The following BRSK2 variants were observed in gnomAD, a reference collection of about 807,000 sequenced individuals.
The protein encoded by BRSK2 is BR serine/threonine kinase 2.
BRSK2 carries 19 observed loss-of-function variants against 83.3 expected under a neutral mutation model. That is an observed-to-expected ratio of 0.23 (90% confidence interval 0.16 to 0.33). The LOEUF is 0.33. Among genes scored for constraint, BRSK2 ranks in the 10% least tolerant of loss-of-function variants. The pLI is 1.00. For synonymous variants in BRSK2, 519 were observed against 435.4 expected (o/e 1.19, Z -2.39); for missense variants, 798 against 1,042.3 (o/e 0.77, Z 3.23).
intron 13 of BRSK2, among the ~76,000 whole-genome samples, chr11:1,450,061 C>G (rs573805438): frequency 1.3e-5 from 2 of 152,270 alleles, no homozygotes; most frequent in Non-Finnish European, 2.9e-5. Flanking sequence ...CACTTCTTTT[C>G]TTTTGTGGCT....
At chr11:1,419,973 T>G (rs74632364) in intron 1 of BRSK2, among the ~76,000 whole-genome samples, 3,536 of 152,302 alleles carry the variant, frequency 0.023, 90 homozygotes, top group African/African-American at 0.068. Flanking sequence ...TGCTCCCGAT[T>G]CTGCTCCAGG....
At chr11:1,444,690 C>T (rs1242271758) in intron 8 of BRSK2, among the ~76,000 whole-genome samples, 2 of 151,552 alleles carry the variant, frequency 1.3e-5, no homozygotes, top group Admixed American at 6.6e-5. Context: ...CCTGCCCCTA[C>T]CTGGAGCACC....
chr11:1,413,313 AC>A (rs1383366407), intron 1 of BRSK2, among the ~76,000 whole-genome samples: 32 of 145,330 alleles, frequency 2.2e-4, no homozygotes, highest in African/African-American at 7.5e-4. Flanking sequence ...CCTCTGGCCC[AC>A]CCCTCCCACC....
chr11:1,459,196 CACT>C lies in BRSK2; in HGVS notation c.1946_1948del (p.Thr649del), dbSNP rs1413827713. ...TCTCTCCATTCTGTACTCCAGACAC[CACT>C]AACTGTATGGAAATGATGACGGGGC... On this transcript the variant is annotated inframe_deletion, in exon 19 of 20. Coordinates refer to ENST00000528841, the MANE Select transcript of BRSK2 (RefSeq NM_001256627.2). 4 of 1,613,698 alleles carry C rather than the reference CACT, an allele frequency of 2.5e-6. No homozygotes were observed. The highest frequency in any genetic ancestry group is 3.4e-6 in the Non-Finnish European group (4 of 1,179,806).
intron 1 of BRSK2, among the ~76,000 whole-genome samples, chr11:1,393,831 C>T (rs538300366): frequency 6.0e-4 from 92 of 152,206 alleles, no homozygotes; most frequent in South Asian, 1.2e-3. Context: ...GGACGGGCAG[C>T]GATGGGCTGT....
chr11:1,460,399 T>G, intron 19 of BRSK2, 101 bp from the exon 20 acceptor site: 12 of 960,408 alleles, frequency 1.2e-5, no homozygotes, highest in Non-Finnish European at 1.5e-5. Context: ...ATTTGTTTGT[T>G]TGTTCTCTTT....
chr11:1,394,093 C>T (rs1845905559), intron 1 of BRSK2, among the ~76,000 whole-genome samples: 1 of 123,412 alleles, frequency 8.1e-6, no homozygotes, highest in African/African-American at 3.3e-5. Context: ...AGATGGGTCC[C>T]TGGAGATGGG....
rs1398777506 is a variant in BRSK2 at position 1,457,157 on chromosome 11, C to A, written c.1939+470C>A. The A allele has an allele frequency of 1.3e-5, 13 of 1,024,380 alleles. No individual in the cohort carries two copies. The Admixed American group carries it at 1.7e-4, about 13-fold the overall frequency. 63.5% of individuals were successfully genotyped at this position (1,024,380 alleles called of 1,614,324 possible). ...TCCATGCCCACCCACAGGTCTCGGC[C>A]CTGGACAGGCCAAGCATGCCCCGGG... On this transcript the variant is annotated intron_variant, in intron 18 of 19. Transcript: ENST00000528841.
intron 1 of BRSK2, among the ~76,000 whole-genome samples, chr11:1,415,239 C>T (rs536974277): frequency 1.9e-3 from 291 of 151,946 alleles, no homozygotes; most frequent in Non-Finnish European, 2.8e-3. Flanking sequence ...GGACTACAGG[C>T]GCTCACCACC....
chr11:1,456,694 C>T lies in BRSK2; in HGVS notation c.1939+7C>T, dbSNP rs757956519. The T allele has an allele frequency of 2.6e-5, 41 of 1,588,132 alleles. No homozygotes were observed. The highest frequency in any genetic ancestry group is 6.7e-5 in the African/African-American group (5 of 74,628). On this transcript the variant is annotated splice_region_variant and intron_variant, in intron 18 of 19. Transcript: ENST00000528841. ...GCGGCCCAGCACTTGTCAGGTGAGG[C>T]GGGCTCAGCTCCGGCCAACCTGCGG...
intron 1 of BRSK2, chr11:1,411,503 A>G (rs1313801511): frequency 8.7e-6 from 13 of 1,496,818 alleles, no homozygotes; most frequent in Non-Finnish European, 1.2e-5. Flanking sequence ...GGTCTGGCCC[A>G]GCGGTGGGCA....
At position 1,440,847 on chromosome 11, in the gene BRSK2, G is replaced by A; in HGVS notation, c.332G>A (p.Gly111Glu). 1.9e-6 allele frequency: 3 copies of A among 1,604,360 alleles called. No homozygotes were observed. Among genetic ancestry groups the A allele is most frequent in the Non-Finnish European group, 2.6e-6 (3 of 1,175,474 alleles). Residue 111 changes from glycine to glutamate, a missense_variant, in exon 4 of 20, where the codon GGG becomes GAG. Physicochemically the swap from Gly to Glu is moderately conservative, Grantham distance 98. Around this residue, in one of 6 missense-constraint regions of BRSK2, gnomAD observed 109 missense variants for 259.2 expected, o/e 0.42. Coordinates refer to ENST00000528841, the MANE Select transcript of BRSK2 (RefSeq NM_001256627.2). ...CTCTTCGACTACCTGGTGAAGAAGG[G>A]GAGGCTGACGCCTAAGGAGGCTCGG... ...GELFDYLVKK[G>E]RLTPKEARKF...
intron 12 of BRSK2, chr11:1,447,871 C>A (rs1243661682): frequency 6.3e-7 from 1 of 1,592,786 alleles, no homozygotes; most frequent in African/African-American, 1.3e-5. Context: ...CAGGTATACA[C>A]CCCGACCACC....
Position 1,436,250 on chromosome 11 carries a change from G to GGGGGGGGGGGA in BRSK2, c.186+116_186+117insGGGGGGGGGGA. On this transcript the variant is annotated intron_variant, in intron 2 of 19. Transcript: ENST00000528841. ...GTGCTGGATGCGGGTGGGGGGGCGG[G>GGGGGGGGGGGA]CCCTGCAGGCTCCTGGGCCGCCACA... 2 of 168,876 alleles carry GGGGGGGGGGGA rather than the reference G, an allele frequency of 1.2e-5. 1 individual carries two copies. The highest frequency in any genetic ancestry group is 1.9e-5 in the Non-Finnish European group (2 of 104,758). 10.5% of individuals were successfully genotyped at this position (168,876 alleles called of 1,614,324 possible).
At chr11:1,427,545 G>A (rs888103006) in intron 1 of BRSK2, among the ~76,000 whole-genome samples, 3 of 152,186 alleles carry the variant, frequency 2.0e-5, no homozygotes, top group Non-Finnish European at 4.4e-5. Context: ...CCCTGTGGGG[G>A]GCGCAGGGAG....
At chr11:1,425,347 C>T (rs61868971) in intron 1 of BRSK2, among the ~76,000 whole-genome samples, 45,657 of 152,142 alleles carry the variant, frequency 0.3, 7,312 homozygotes, top group African/African-American at 0.38. Context: ...GTCCTCAGCA[C>T]GTGGACGCCC....
chr11:1,404,614 C>T (rs1262244658), intron 1 of BRSK2, among the ~76,000 whole-genome samples: 6 of 152,228 alleles, frequency 3.9e-5, no homozygotes, highest in Non-Finnish European at 5.9e-5. Context: ...GAGGTGGATG[C>T]CCTGCCCTGG....
intron 6 of BRSK2, 45 bp from the exon 7 acceptor site, chr11:1,443,290 G>C: frequency 6.4e-7 from 1 of 1,568,302 alleles, no homozygotes; most frequent in East Asian, 2.3e-5. Context: ...CAAGGCCCCC[G>C]CCCTGCCCTG....
chr11:1,455,425 G>T (rs1846386735), intron 16 of BRSK2, among the ~76,000 whole-genome samples: 2 of 151,744 alleles, frequency 1.3e-5, no homozygotes, highest in African/African-American at 2.4e-5. Context: ...TCAGGCCGTG[G>T]TTCGCTTCGG....
Sources: allele counts gnomAD v4.1 joint callset (sites outside exome capture counted in the v4.1 genomes callset), GRCh38; gene constraint gnomAD v4.1.1; regional missense constraint gnomAD v4.1.1; transcripts MANE v1.5; gene names NCBI Gene and HGNC (gene_info 2026-07-23, HGNC 2026-07-21).